Variants in DOCK11 observed in about 807,000 individuals in gnomAD.
DOCK11 encodes the protein dedicator of cytokinesis protein 11.
In DOCK11, 70 loss-of-function variants were observed where a neutral mutation model predicts 169.1. That is an observed-to-expected ratio of 0.41 (90% CI 0.34 to 0.51). DOCK11 has a LOEUF of 0.51. DOCK11 is among the 20% of genes least tolerant of loss of function. The pLI is 0.10. For missense variants in DOCK11, 1,166 were observed against 1,538.8 expected, an observed-to-expected ratio of 0.76 and a Z score of 4.05; for synonymous variants, 529 against 541.3, an observed-to-expected ratio of 0.98 and a Z score of 0.32.
At position 118,636,382 on chromosome X, in the gene DOCK11, A is replaced by T; in HGVS notation, c.3923A>T (p.Gln1308Leu). 1 of 1,091,704 alleles carries T rather than the reference A, an allele frequency of 9.2e-7. No individual in the cohort carries two copies. 90.0% of individuals were successfully genotyped at this position (1,091,704 alleles called of 1,213,427 possible). ...LLTYWNKVSP[Q>L]ELINILILLE... ...ACTTACTGGAATAAAGTATCACCTCAGGAGCTCATAAACATTCTTATACTT... is the reference window on the plus strand; with the variant it reads ...ACTTACTGGAATAAAGTATCACCTCTGGAGCTCATAAACATTCTTATACTT... The change falls in exon 36 of 53, where the codon CAG becomes CTG. Residue 1308 changes from glutamine to leucine, a missense_variant. Coordinates refer to ENST00000276202, the MANE Select transcript of DOCK11 (RefSeq NM_144658.4).
At chrX:118,599,893 A>T in intron 23 of DOCK11, among the ~76,000 whole-genome samples, 1 of 112,224 alleles carries the variant, frequency 8.9e-6, no homozygotes, top group East Asian at 2.8e-4. Flanking sequence ...TTACTTAATG[A>T]TATACTCAGG....
chrX:118,645,350 C>T (rs1000058548), intron 40 of DOCK11, among the ~76,000 whole-genome samples: 5 of 111,358 alleles, frequency 4.5e-5, no homozygotes, highest in Non-Finnish European at 1.9e-5. Context: ...CCTCATGAAG[C>T]GTTCAGTCTT....
At chrX:118,615,489 A>G (rs1170223710) in intron 29 of DOCK11, 111 bp from the exon 30 acceptor site, 2 of 550,760 alleles carry the variant, frequency 3.6e-6, no homozygotes, top group Non-Finnish European at 5.9e-6. Flanking sequence ...ATCTCAAGGT[A>G]TGCTTAGAAT....
At position 118,573,943 on chromosome X, in the gene DOCK11, C is replaced by T. The variant is rs746098969; in HGVS notation, c.1314C>T (p.Asp438=). ...LWGSSTQLAS[D]GSPKGSSPES... is the part of the protein sequence containing the mutation. ...GCTCTTCAACCCAACTGGCCAGTGA[C>T]GGTAGCCCAAAGGGCTCTTCACCCG... is the stretch of plus-strand genomic sequence containing the variant. The change falls in exon 12 of 53, where the codon GAC becomes GAT. Residue 438 remains aspartate (D), a synonymous_variant. Coordinates refer to ENST00000276202, the MANE Select transcript of DOCK11 (RefSeq NM_144658.4). 6.6e-6 allele frequency: 8 copies of T among 1,211,899 alleles called. No homozygotes were observed. Among genetic ancestry groups the T allele is most frequent in the East Asian group, 5.9e-5 (2 of 33,871 alleles).
chrX:118,586,722 G>A (rs1029699121), intron 16 of DOCK11, among the ~76,000 whole-genome samples: 1 of 111,943 alleles, frequency 8.9e-6, no homozygotes, highest in South Asian at 3.6e-4. Context: ...CATCACATAC[G>A]TTGTAAAGAC....
intron 45 of DOCK11, among the ~76,000 whole-genome samples, chrX:118,669,012 T>C (rs2016404562): frequency 8.9e-6 from 1 of 111,748 alleles, no homozygotes; most frequent in South Asian, 3.7e-4. Context: ...AAGCTTTATG[T>C]GCCACATGAA....
intron 44 of DOCK11, among the ~76,000 whole-genome samples, chrX:118,657,875 TGCTCGGGTGA>T: frequency 9.1e-6 from 1 of 110,147 alleles, no homozygotes; most frequent in Admixed American, 9.7e-5. Flanking sequence ...CATTGGGTAC[TGCTCGGGTGA>T]CAGGTACACC....
intron 40 of DOCK11, among the ~76,000 whole-genome samples, chrX:118,647,503 A>G (rs1488778196): frequency 1.4e-5 from 1 of 70,083 alleles, no homozygotes; most frequent in East Asian, 3.8e-4. Flanking sequence ...TATATAATAT[A>G]TTATATAATA....
At chrX:118,572,499 A>T in intron 11 of DOCK11, 36 bp downstream of exon 11, 1 of 1,123,947 alleles carries the variant, frequency 8.9e-7, no homozygotes. Context: ...CCCTTGCATC[A>T]GTGCATTAAA....
At chrX:118,516,099 T>G (rs1231850788) in intron 1 of DOCK11, among the ~76,000 whole-genome samples, 1 of 81,940 alleles carries the variant, frequency 1.2e-5, no homozygotes, top group Non-Finnish European at 2.3e-5. Context: ...TTTTCTTTTT[T>G]TTTTTTTTTT....
intron 1 of DOCK11, among the ~76,000 whole-genome samples, chrX:118,515,282 G>A (rs759989499): frequency 1.8e-5 from 2 of 112,365 alleles, no homozygotes; most frequent in East Asian, 5.6e-4. Context: ...TGCCCAGGCT[G>A]GAGTGCAATG....
At chrX:118,667,324 T>C (rs2016360073) in intron 45 of DOCK11, among the ~76,000 whole-genome samples, 1 of 111,404 alleles carries the variant, frequency 9.0e-6, no homozygotes, top group South Asian at 3.7e-4. Context: ...TCCTGTGTTT[T>C]CTCCTAGAAA....
chrX:118,578,768 T>G, intron 13 of DOCK11, 121 bp downstream of exon 13: 1 of 673,006 alleles, frequency 1.5e-6, no homozygotes, highest in Non-Finnish European at 2.1e-6. Flanking sequence ...ATACTGTGTA[T>G]GTTTGCTAAA....
intron 44 of DOCK11, among the ~76,000 whole-genome samples, chrX:118,657,825 G>A (rs781450205): frequency 4.5e-5 from 5 of 110,683 alleles, no homozygotes; most frequent in Non-Finnish European, 7.5e-5. Flanking sequence ...ATGGACTTTG[G>A]GGACTGGGGG....
intron 20 of DOCK11, 125 bp downstream of exon 20, chrX:118,593,462 T>C: frequency 1.6e-6 from 1 of 620,434 alleles, no homozygotes. Context: ...TATTAGTTCA[T>C]TTTCATGCTG....
In DOCK11 at chrX:118,639,588, A is replaced by ATG. The variant is rs771248828; in HGVS notation, c.4144+20_4144+21dup. 5.0e-6 allele frequency: 6 copies of ATG among 1,205,111 alleles called. No individual in the cohort carries two copies. Among genetic ancestry groups the ATG allele is most frequent in the Admixed American group, 2.2e-5 (1 of 45,614 alleles). ...TTACACTTAATCACAGTAAGTGAAA[A>ATG]TGTGTGTGTGGTACCCATTTGACCT... On this transcript the variant is annotated intron_variant, in intron 38 of 52. Coordinates refer to ENST00000276202, the MANE Select transcript of DOCK11 (RefSeq NM_144658.4).
chrX:118,639,457 A>G lies in DOCK11; in HGVS notation c.4024A>G (p.Lys1342Glu). 1 of 1,211,220 alleles carries G rather than the reference A, an allele frequency of 8.3e-7. No homozygotes were observed. The highest frequency in any genetic ancestry group is 1.7e-5 in the African/African-American group (1 of 57,853). ...IARVHDAWLSKHFGIDRKSQT... is the reference protein window; with the variant it reads ...IARVHDAWLSEHFGIDRKSQT... ...TAGGGTGCATGATGCCTGGCTGTCA[A>G]AACACTTCGGAATAGACCGAAAATC... The change falls in exon 38 of 53, where the codon AAA (lysine) becomes GAA (glutamate). Residue 1342 changes from lysine (K) to glutamate (E), a missense_variant. Physicochemically the swap from Lys to Glu is moderately conservative, Grantham distance 56. Coordinates refer to ENST00000276202, the MANE Select transcript of DOCK11 (RefSeq NM_144658.4).
intron 20 of DOCK11, 34 bp downstream of exon 20, chrX:118,593,371 T>A (rs777393271): frequency 6.0e-5 from 70 of 1,165,608 alleles, no homozygotes; most frequent in Admixed American, 5.5e-4. Flanking sequence ...CTCTCTACAG[T>A]TATTTGAAAT....
intron 6 of DOCK11, among the ~76,000 whole-genome samples, chrX:118,556,598 T>TA (rs1461766302): frequency 5.7e-4 from 60 of 104,408 alleles, no homozygotes; most frequent in Non-Finnish European, 7.5e-4. Context: ...AAAATAAAAA[T>TA]AAAAAAAAAT....
Sources: gnomAD v4.1 joint callset for allele counts (sites outside exome capture counted in the v4.1 genomes callset) on GRCh38, gnomAD v4.1.1 for gene constraint, MANE v1.5 for transcripts, NCBI Gene and HGNC (gene_info 2026-07-23, HGNC 2026-07-21) for gene names.